CDC25C: variants seen among roughly 807,000 people sequenced by gnomAD.
The protein encoded by CDC25C is M-phase inducer phosphatase 3.
A neutral mutation model predicts 52.5 loss-of-function variants in CDC25C; 48 were observed. The ratio of observed to expected loss-of-function variants is 0.91; its 90% CI spans 0.72 to 1.16. The LOEUF (loss-of-function observed/expected upper bound fraction) is 1.16. CDC25C is among the 50% of genes most tolerant of loss of function. The probability of loss-of-function intolerance (pLI) is 0.00; values close to 1 mark genes in which losing one functional copy is unlikely to be tolerated. For synonymous variants in CDC25C, 187 were observed against 206.5 expected, an observed-to-expected ratio of 0.91 and a Z score of 0.81; for missense variants, 510 against 566.1, an observed-to-expected ratio of 0.90 and a Z score of 1.01.
At chr5:138,311,202 G>A (rs748385079) in intron 7 of CDC25C, among the ~76,000 whole-genome samples, 4 of 152,132 alleles carry the variant, frequency 2.6e-5, no homozygotes, top group Non-Finnish European at 5.9e-5. Context: ...TTGTCCCAAA[G>A]AGCAAAGTTA....
At chr5:138,296,194 T>C (rs1757160676) in intron 7 of CDC25C, among the ~76,000 whole-genome samples, 2 of 152,144 alleles carry the variant, frequency 1.3e-5, no homozygotes, top group South Asian at 4.1e-4. Context: ...CCATTTTTGA[T>C]GGCTTTAATG....
intron 7 of CDC25C, among the ~76,000 whole-genome samples, chr5:138,315,387 A>G (rs1003169163): frequency 6.6e-5 from 10 of 152,216 alleles, no homozygotes; most frequent in Non-Finnish European, 1.5e-4. Flanking sequence ...AATTTTAGGC[A>G]TCCACTGGGG....
At chr5:138,308,113 T>A (rs56252010) in intron 7 of CDC25C, among the ~76,000 whole-genome samples, 1 of 152,076 alleles carries the variant, frequency 6.6e-6, no homozygotes, top group Non-Finnish European at 1.5e-5. Context: ...TACTTCCTAC[T>A]GTGCGGCCCG....
intron 4 of CDC25C, among the ~76,000 whole-genome samples, chr5:138,327,734 T>C (rs529969978): frequency 3.9e-5 from 6 of 152,270 alleles, no homozygotes; most frequent in African/African-American, 1.4e-4. Flanking sequence ...AATGCTATTA[T>C]TGTCTCCACG....
Position 138,319,342 on chromosome 5 carries a change from T to C in CDC25C, c.492A>G (p.Lys164=). Residue 164 remains lysine (K), a synonymous_variant, in exon 7 of 14, where the codon AAA becomes AAG. Transcript: ENST00000323760. ...CAGTAGTAATGGGACTGCCCAAATA[T>C]TTCATTTCACTGTCCACCAAGTTTC... is the stretch of plus-strand genomic sequence containing the variant. ...DNGNLVDSEM[K]YLGSPITTVP... 1 of 1,613,474 alleles carries C rather than the reference T, an allele frequency of 6.2e-7. No homozygotes were observed. Among genetic ancestry groups the C allele is most frequent in the East Asian group, 2.2e-5 (1 of 44,824 alleles).
At chr5:138,310,298 A>G (rs1480260352) in intron 7 of CDC25C, among the ~76,000 whole-genome samples, 1 of 152,186 alleles carries the variant, frequency 6.6e-6, no homozygotes, top group African/African-American at 2.4e-5. Context: ...AGTGCCATGC[A>G]TGTCTACCTG....
At chr5:138,317,628 C>T (rs1354098937) in intron 7 of CDC25C, among the ~76,000 whole-genome samples, 2 of 125,778 alleles carry the variant, frequency 1.6e-5, no homozygotes, top group Non-Finnish European at 3.2e-5. Context: ...CTGCAGTGAA[C>T]TTTAATTGTG....
chr5:138,304,331 C>CTTTTTTTTTTT (rs558050918), intron 7 of CDC25C, among the ~76,000 whole-genome samples: 4 of 100,898 alleles, frequency 4.0e-5, no homozygotes, highest in East Asian at 6.0e-4. Context: ...CCATGCCTGG[C>CTTTTTTTTTTT]TTTTTTTTTT....
chr5:138,330,974 A>G lies in CDC25C; in HGVS notation c.194+13T>C, dbSNP rs757599110. The G allele has an allele frequency of 3.2e-6, 5 of 1,559,730 alleles. No homozygotes were observed. In the East Asian group the frequency reaches 9.0e-5, roughly 28 times the overall value. Reference sequence around the variant, plus strand: ...GCAAAGGCAATACAGTGTAAAAATAAAAGTATATTTACCCAGACAAAATGC... The same window carrying G: ...GCAAAGGCAATACAGTGTAAAAATAGAAGTATATTTACCCAGACAAAATGC... On this transcript the variant is annotated intron_variant, in intron 2 of 13. Transcript: ENST00000323760.
At chr5:138,310,595 G>A (rs1580764593) in intron 7 of CDC25C, among the ~76,000 whole-genome samples, 1 of 152,284 alleles carries the variant, frequency 6.6e-6, no homozygotes, top group East Asian at 1.9e-4. Context: ...TAATTGATAA[G>A]TATTGCTCTA....
chr5:138,289,328 GGA>G (rs1477039433), intron 10 of CDC25C, among the ~76,000 whole-genome samples, 171 bp downstream of exon 10: 15 of 152,056 alleles, frequency 9.9e-5, no homozygotes, highest in Non-Finnish European at 1.9e-4. Flanking sequence ...TAAAAACGAA[GGA>G]GAGAGAAGAA....
upstream of CDC25C, among the ~76,000 whole-genome samples, chr5:138,332,998 C>T (rs1210229979): frequency 6.6e-6 from 1 of 152,126 alleles, no homozygotes; most frequent in Non-Finnish European, 1.5e-5. Flanking sequence ...GCACACTAAC[C>T]ACCTGAGGAC....
chr5:138,329,229 C>T (rs1760139161), intron 3 of CDC25C, among the ~76,000 whole-genome samples: 1 of 152,170 alleles, frequency 6.6e-6, no homozygotes, highest in Non-Finnish European at 1.5e-5. Context: ...ATGCTGGTTT[C>T]TTTGCCTCTG....
chr5:138,329,558 T>A lies in CDC25C; in HGVS notation c.284A>T (p.Glu95Val). ...TQLTTSADLD[E>V]TGHLDSSGLQ... is the part of the protein sequence containing the mutation. ...TTTATCTCCCTTCTCCCTACCAGTTTCATCAAGGTCTGCAGAAGTGGTAAG... is the reference window on the plus strand; with the variant it reads ...TTTATCTCCCTTCTCCCTACCAGTTACATCAAGGTCTGCAGAAGTGGTAAG... Residue 95 changes from glutamate to valine, a missense_variant, in exon 3 of 14, where the codon GAA (glutamate) becomes GTA (valine). Physicochemically the swap from Glu to Val is moderately radical, Grantham distance 121 (BLOSUM62 -2). Coordinates refer to ENST00000323760, the MANE Select transcript of CDC25C (RefSeq NM_001790.5). The A allele has an allele frequency of 6.2e-7, 1 of 1,600,384 alleles. No homozygotes were observed. The highest frequency in any genetic ancestry group is 8.6e-7 in the Non-Finnish European group (1 of 1,168,036).
Position 138,329,416 on chromosome 5 carries a change from C to T in CDC25C, c.289+137G>A, listed in dbSNP as rs988422605. 5 of 615,108 alleles carry T rather than the reference C, an allele frequency of 8.1e-6. No individual in the cohort carries two copies. In the African/African-American group the frequency reaches 9.3e-5, roughly 11 times the overall value. 38.1% of individuals were successfully genotyped at this position (615,108 alleles called of 1,614,324 possible). A position where few individuals can be genotyped will look rare whatever the true frequency, so the allele number is the denominator to read the frequency against. On this transcript the variant is annotated intron_variant, in intron 3 of 13. Transcript: ENST00000323760. ...TGGCTTAATCATTCTCAAAAATCCTCTAGTTACCCACAAAATTCCATCTCT... is the reference window on the plus strand; with the variant it reads ...TGGCTTAATCATTCTCAAAAATCCTTTAGTTACCCACAAAATTCCATCTCT...
intron 2 of CDC25C, among the ~76,000 whole-genome samples, chr5:138,330,369 A>T (rs769492645): frequency 1.3e-5 from 2 of 152,192 alleles, no homozygotes; most frequent in Non-Finnish European, 2.9e-5. Context: ...AATTCAAAGT[A>T]CAACTGCAAT....
intron 6 of CDC25C, among the ~76,000 whole-genome samples, chr5:138,325,044 TG>T (rs1445852362): frequency 6.6e-6 from 1 of 152,218 alleles, no homozygotes; most frequent in Non-Finnish European, 1.5e-5. Context: ...CACTCCAGCC[TG>T]GGCGATGGAG....
intron 7 of CDC25C, 116 bp from the exon 8 acceptor site, chr5:138,292,232 C>T (rs1450930950): frequency 2.9e-6 from 2 of 690,466 alleles, no homozygotes; most frequent in African/African-American, 1.8e-5. Flanking sequence ...TGTTAGGCCA[C>T]ACCCCAAACC....
intron 7 of CDC25C, among the ~76,000 whole-genome samples, chr5:138,297,395 C>A (rs1757296299): frequency 6.6e-6 from 1 of 152,112 alleles, no homozygotes; most frequent in Admixed American, 6.5e-5. Flanking sequence ...AGCCCCTACA[C>A]TAGAAGAACT....
Sources: allele counts gnomAD v4.1 joint callset (sites outside exome capture counted in the v4.1 genomes callset), GRCh38; gene constraint gnomAD v4.1.1; transcripts MANE v1.5; gene names NCBI Gene and HGNC (gene_info 2026-07-23, HGNC 2026-07-21).